CYP2C19: variants seen among roughly 807,000 people sequenced by gnomAD.
CYP2C19 encodes the protein cytochrome P450 family 2 subfamily C member 19.
Under a neutral mutation model 40.9 loss-of-function variants are expected in CYP2C19, and 59 were observed. The ratio of observed to expected loss-of-function variants is 1.44; its 90% CI spans 1.17 to 1.79. The LOEUF (loss-of-function observed/expected upper bound fraction) is 1.79, where lower values mean the gene tolerates loss of function less well. Among genes scored for constraint, CYP2C19 ranks in the 40% most tolerant of loss-of-function variants. The pLI, the probability that CYP2C19 is intolerant of heterozygous loss-of-function variation, is 0.00. For synonymous variants in CYP2C19, 253 were observed against 208.7 expected, an observed-to-expected ratio of 1.21 and a Z score of -1.83; for missense variants, 754 against 596.9, an observed-to-expected ratio of 1.26 and a Z score of -2.74.
At chr10:94,818,058 A>T (rs1474060740) in intron 5 of CYP2C19, among the ~76,000 whole-genome samples, 1 of 146,680 alleles carries the variant, frequency 6.8e-6, no homozygotes, top group African/African-American at 2.5e-5. Context: ...TCTTGAATTG[A>T]TTTTTGTATA....
chr10:94,841,317 C>T (rs1413984030), intron 6 of CYP2C19, among the ~76,000 whole-genome samples: 1 of 152,176 alleles, frequency 6.6e-6, no homozygotes, highest in Non-Finnish European at 1.5e-5. Context: ...GCAATGGGAC[C>T]CTCACTGGAT....
intron 6 of CYP2C19, among the ~76,000 whole-genome samples, chr10:94,824,289 T>C (rs985503616): frequency 1.3e-5 from 2 of 152,166 alleles, no homozygotes; most frequent in Non-Finnish European, 2.9e-5. Flanking sequence ...TGTTCAAATA[T>C]GAGGTGAACA....
chr10:94,822,917 ATT>A (rs552158198), intron 6 of CYP2C19, among the ~76,000 whole-genome samples: 1 of 148,028 alleles, frequency 6.8e-6, no homozygotes, highest in Non-Finnish European at 1.5e-5. Context: ...ACCATTTCTA[ATT>A]TTTTTTTTGT....
At chr10:94,843,093 C>T in intron 7 of CYP2C19, 69 bp downstream of exon 7, 12 of 1,574,842 alleles carry the variant, frequency 7.6e-6, no homozygotes, top group Non-Finnish European at 1.0e-5. Flanking sequence ...ATGATTCTTA[C>T]CCTCTACCAT....
chr10:94,770,235 T>C (rs1848308846), intron 1 of CYP2C19, among the ~76,000 whole-genome samples: 1 of 152,150 alleles, frequency 6.6e-6, no homozygotes, highest in South Asian at 2.1e-4. Flanking sequence ...GTTGGGGGCT[T>C]CTGGCCCAGA....
rs1849708467 is a variant in CYP2C19, at chr10:94,854,865, G to A, written c.*1951G>A. Among the ~76,000 whole-genome samples the A allele has an allele frequency of 6.6e-6, 1 of 151,948 alleles. No individual in the cohort carries two copies. The highest frequency in any genetic ancestry group is 6.6e-5 in the Admixed American group (1 of 15,258). ...GTTAATAGAAGAGAAAGTGGAAATG[G>A]GTATTACATTAATGGAAAGATACAG... On this transcript the variant is annotated 3_prime_UTR_variant, in exon 9 of 9. Coordinates refer to ENST00000371321, the MANE Select transcript of CYP2C19 (RefSeq NM_000769.4).
At chr10:94,830,246 C>A (rs968650231) in intron 6 of CYP2C19, among the ~76,000 whole-genome samples, 1 of 152,246 alleles carries the variant, frequency 6.6e-6, no homozygotes, top group Non-Finnish European at 1.5e-5. Context: ...GGGCGCCCCT[C>A]CCCCAGCCTT....
At chr10:94,785,820 T>G (rs1267463538) in intron 5 of CYP2C19, among the ~76,000 whole-genome samples, 1 of 152,034 alleles carries the variant, frequency 6.6e-6, no homozygotes. Flanking sequence ...AAATGGCAGC[T>G]CTATCTTCCC....
intron 5 of CYP2C19, among the ~76,000 whole-genome samples, chr10:94,797,970 G>T (rs571234293): frequency 6.6e-6 from 1 of 151,946 alleles, no homozygotes; most frequent in South Asian, 2.1e-4. Context: ...TTTTTAAAGG[G>T]TTTTTTGTGT....
chr10:94,817,845 C>T (rs1709268379), intron 5 of CYP2C19, among the ~76,000 whole-genome samples: 2 of 151,726 alleles, frequency 1.3e-5, no homozygotes, highest in Non-Finnish European at 1.5e-5. Context: ...AACCCCGTCT[C>T]TACTAAAAAT....
At chr10:94,798,990 T>A (rs963821433) in intron 5 of CYP2C19, among the ~76,000 whole-genome samples, 1 of 152,030 alleles carries the variant, frequency 6.6e-6, no homozygotes, top group African/African-American at 2.4e-5. Context: ...TTGGGGCACT[T>A]AGCCCATTTA....
At chr10:94,829,458 A>G (rs372432342) in intron 6 of CYP2C19, among the ~76,000 whole-genome samples, 29 of 151,964 alleles carry the variant, frequency 1.9e-4, no homozygotes, top group Non-Finnish European at 3.7e-4. Context: ...GGCTCCTGAG[A>G]CTTCTGCATT....
intron 6 of CYP2C19, among the ~76,000 whole-genome samples, chr10:94,827,818 T>C (rs1849255098): frequency 6.6e-6 from 1 of 152,202 alleles, no homozygotes; most frequent in Non-Finnish European, 1.5e-5. Context: ...TAAATTTCCC[T>C]CTACACACTG....
intron 5 of CYP2C19, among the ~76,000 whole-genome samples, chr10:94,789,079 C>T (rs1848576321): frequency 6.6e-6 from 1 of 152,128 alleles, no homozygotes; most frequent in African/African-American, 2.4e-5. Flanking sequence ...TTTTGATTTG[C>T]ATTCTTCTAA....
chr10:94,772,087 T>C (rs1474874110), intron 1 of CYP2C19, among the ~76,000 whole-genome samples: 1 of 152,158 alleles, frequency 6.6e-6, no homozygotes, highest in Non-Finnish European at 1.5e-5. Context: ...GAAGATGTTA[T>C]GCCCCAAAAA....
intron 6 of CYP2C19, among the ~76,000 whole-genome samples, chr10:94,828,106 G>A (rs1205496864): frequency 6.6e-6 from 1 of 152,082 alleles, no homozygotes; most frequent in Non-Finnish European, 1.5e-5. Context: ...TTTTGGAATA[G>A]GTGTGGTGTG....
chr10:94,840,767 T>C (rs1014402033), intron 6 of CYP2C19, among the ~76,000 whole-genome samples: 4 of 152,032 alleles, frequency 2.6e-5, no homozygotes, highest in African/African-American at 9.7e-5. Context: ...CCCAAGAAAA[T>C]TGGAAGTGGA....
intron 1 of CYP2C19, among the ~76,000 whole-genome samples, chr10:94,771,746 A>G (rs1460219144): frequency 6.6e-6 from 1 of 152,080 alleles, no homozygotes; most frequent in Admixed American, 6.5e-5. Context: ...TGCTGATCAG[A>G]ATAGTTGCAC....
At chr10:94,844,699 AGG>A (rs1849545858) in intron 7 of CYP2C19, among the ~76,000 whole-genome samples, 1 of 152,210 alleles carries the variant, frequency 6.6e-6, no homozygotes, top group African/African-American at 2.4e-5. Context: ...GCTTACCCTG[AGG>A]TCACTGATTT....
Sources: gnomAD v4.1 joint callset for allele counts (sites outside exome capture counted in the v4.1 genomes callset) on GRCh38, gnomAD v4.1.1 for gene constraint, MANE v1.5 for transcripts, NCBI Gene and HGNC (gene_info 2026-07-23, HGNC 2026-07-21) for gene names.